The following SLC9D1 variants were observed in gnomAD, a reference collection of about 807,000 sequenced individuals.
The protein encoded by SLC9D1 is solute carrier family 9 member D1, also known as putative LAG1-interacting protein.
the SLC9D1 span, among the ~76,000 whole-genome samples, chr13:113,542,942 A>G: frequency 6.6e-6 from 1 of 151,726 alleles, no homozygotes; most frequent in Non-Finnish European, 1.5e-5. Context: ...GGGCTTCGTG[A>G]CCTCCTGACC....
the SLC9D1 span, chr13:113,530,389 AAAT>A: frequency 6.6e-6 from 1 of 152,220 alleles, no homozygotes. Flanking sequence ...TAGCTGTTAA[AAAT>A]ATATACGATA....
chr13:113,547,404 C>T, the SLC9D1 span: 4 of 1,584,622 alleles, frequency 2.5e-6, no homozygotes, highest in Non-Finnish European at 3.5e-6. Context: ...GGTCCACGCC[C>T]CTCGCAGTTT....
chr13:113,495,799 C>G, the SLC9D1 span: 2 of 1,614,192 alleles, frequency 1.2e-6, no homozygotes, highest in South Asian at 1.1e-5. Context: ...AAACTGAAAA[C>G]TGCAATTGGA....
chr13:113,536,363 A>C, the SLC9D1 span, among the ~76,000 whole-genome samples: 1 of 152,076 alleles, frequency 6.6e-6, no homozygotes, highest in East Asian at 1.9e-4. Context: ...GTTTCCATTT[A>C]AAAAAAGTAA....
the SLC9D1 span, among the ~76,000 whole-genome samples, chr13:113,531,437 C>T: frequency 2.6e-5 from 4 of 152,174 alleles, no homozygotes; most frequent in Admixed American, 6.5e-5. Context: ...GAGCAGCACA[C>T]GCGTGGACCT....
the SLC9D1 span, among the ~76,000 whole-genome samples, chr13:113,521,018 C>T: frequency 3.3e-5 from 5 of 151,948 alleles, no homozygotes; most frequent in East Asian, 5.8e-4. Flanking sequence ...GAATGAGTTC[C>T]GATAGAAACA....
the SLC9D1 span, among the ~76,000 whole-genome samples, chr13:113,522,961 C>T: frequency 2.0e-5 from 3 of 152,114 alleles, no homozygotes; most frequent in African/African-American, 7.2e-5. Context: ...TGATGGATAA[C>T]ATTGATTTTT....
the SLC9D1 span, chr13:113,527,160 C>T: frequency 1.3e-5 from 2 of 152,094 alleles, no homozygotes; most frequent in African/African-American, 4.8e-5. Flanking sequence ...TATTGAATAC[C>T]ACAGCAGATG....
At chr13:113,540,248 G>A in the SLC9D1 span, among the ~76,000 whole-genome samples, 2 of 152,298 alleles carry the variant, frequency 1.3e-5, no homozygotes, top group Non-Finnish European at 2.9e-5. Context: ...TCCTTTGGGC[G>A]CAAACTCAGC....
chr13:113,505,554 A>T, the SLC9D1 span: 1 of 152,228 alleles, frequency 6.6e-6, no homozygotes, highest in Admixed American at 6.5e-5. Context: ...TTGGAAAGCT[A>T]AATGTGGGGA....
chr13:113,519,984 G>A, the SLC9D1 span, among the ~76,000 whole-genome samples: 2 of 152,230 alleles, frequency 1.3e-5, no homozygotes, highest in Non-Finnish European at 2.9e-5. Context: ...TTCTCCATGT[G>A]TTTCTGGGAC....
At chr13:113,534,410 A>G in the SLC9D1 span, 87 of 635,124 alleles carry the variant, frequency 1.4e-4, no homozygotes, top group Admixed American at 1.8e-4. Flanking sequence ...TCAAAATATA[A>G]TACAGGGAGC....
chr13:113,533,722 C>T, the SLC9D1 span, among the ~76,000 whole-genome samples: 5 of 152,268 alleles, frequency 3.3e-5, no homozygotes, highest in South Asian at 4.1e-4. Context: ...CTTTGATGTG[C>T]GGCTGAGGCC....
chr13:113,499,229 A>G, the SLC9D1 span, among the ~76,000 whole-genome samples: 1 of 151,986 alleles, frequency 6.6e-6, no homozygotes, highest in Non-Finnish European at 1.5e-5. Flanking sequence ...AGCAGAGGTC[A>G]CTCTCATTGC....
chr13:113,535,725 A>C, the SLC9D1 span, among the ~76,000 whole-genome samples: 94 of 152,086 alleles, frequency 6.2e-4, no homozygotes, highest in African/African-American at 2.1e-3. The surrounding 1 kb of genome is among the most constrained non-coding windows in gnomAD (Gnocchi z 4.1). Context: ...TGAGGCGAGA[A>C]GATTCTGAAG....
At chr13:113,512,843 G>A in the SLC9D1 span, among the ~76,000 whole-genome samples, 2 of 151,560 alleles carry the variant, frequency 1.3e-5, no homozygotes, top group African/African-American at 4.8e-5. Context: ...GGAGCCCCAG[G>A]TGCTGGGACT....
At chr13:113,540,675 T>C in the SLC9D1 span, among the ~76,000 whole-genome samples, 1 of 152,254 alleles carries the variant, frequency 6.6e-6, no homozygotes, top group Non-Finnish European at 1.5e-5. Flanking sequence ...TTCTCTCGCA[T>C]TCGTAGGCTG....
At chr13:113,509,142 G>A in the SLC9D1 span, among the ~76,000 whole-genome samples, 1 of 139,906 alleles carries the variant, frequency 7.1e-6, no homozygotes, top group Non-Finnish European at 1.5e-5. Flanking sequence ...GGTCCCCCCT[G>A]GAGGTGCCTG....
chr13:113,548,490 C>T, the SLC9D1 span: 5 of 1,573,896 alleles, frequency 3.2e-6, no homozygotes, highest in South Asian at 3.4e-5. Flanking sequence ...TCTCGGGCGG[C>T]ACGGGCTGCA....
Sources: gnomAD v4.1 joint callset for allele counts (sites outside exome capture counted in the v4.1 genomes callset) on GRCh38, gnomAD v4.1.1 for gene constraint, Gnocchi (gnomAD v3.1) non-coding constraint, MANE v1.5 for transcripts, NCBI Gene and HGNC (gene_info 2026-07-23, HGNC 2026-07-21) for gene names.